GMDS: variants seen among roughly 807,000 people sequenced by gnomAD.
GMDS encodes the protein GDP-mannose 4,6 dehydratase.
Under a neutral mutation model 49.9 loss-of-function variants are expected in GMDS, and 20 were observed. The ratio of observed to expected loss-of-function variants is 0.40; its 90% CI spans 0.28 to 0.58. GMDS has a LOEUF of 0.58. GMDS is among the 20% of genes least tolerant of loss of function. The pLI, the probability that GMDS is intolerant of heterozygous loss-of-function variation, is 0.42. For missense variants in GMDS, 362 were observed against 481.4 expected, an observed-to-expected ratio of 0.75 and a Z score of 2.32; for synonymous variants, 177 against 178.6, an observed-to-expected ratio of 0.99 and a Z score of 0.07.
At chr6:1,681,758 G>A (rs1318533334) in intron 9 of GMDS, among the ~76,000 whole-genome samples, 1 of 152,212 alleles carries the variant, frequency 6.6e-6, no homozygotes, top group Non-Finnish European at 1.5e-5. Context: ...GCAGTGGCAC[G>A]ATCACAGCTC....
intron 1 of GMDS, among the ~76,000 whole-genome samples, chr6:2,167,014 C>G (rs888646233): frequency 6.6e-6 from 1 of 152,194 alleles, no homozygotes; most frequent in African/African-American, 2.4e-5. Context: ...GTCAGAACTG[C>G]CCAGCAAACC....
At chr6:1,672,670 T>C (rs2113283807) in intron 9 of GMDS, among the ~76,000 whole-genome samples, 1 of 152,314 alleles carries the variant, frequency 6.6e-6, no homozygotes, top group South Asian at 2.1e-4. Context: ...ACCTGTTTCA[T>C]CACCACCAGA....
intron 4 of GMDS, among the ~76,000 whole-genome samples, chr6:1,974,149 TAA>T (rs554716070): frequency 0.044 from 6,317 of 143,102 alleles, 416 homozygotes; most frequent in African/African-American, 0.15. Context: ...GAAGGAATAT[TAA>T]AAAAAAAAAA....
intron 7 of GMDS, among the ~76,000 whole-genome samples, chr6:1,892,593 A>T (rs1759923664): frequency 6.6e-6 from 1 of 152,182 alleles, no homozygotes; most frequent in Non-Finnish European, 1.5e-5. Context: ...TCCTGACCTC[A>T]GGTGATCTAC....
chr6:2,061,312 T>C (rs147524241), intron 4 of GMDS, among the ~76,000 whole-genome samples: 1,909 of 152,168 alleles, frequency 0.013, 43 homozygotes, highest in African/African-American at 0.044. Flanking sequence ...TGAGATGAGA[T>C]GAAATCAAGT....
chr6:2,240,222 A>G (rs1383237924), intron 1 of GMDS, among the ~76,000 whole-genome samples: 1 of 152,202 alleles, frequency 6.6e-6, no homozygotes, highest in Non-Finnish European at 1.5e-5. Flanking sequence ...CTTCTAGATA[A>G]TAGATTCCCC....
intron 6 of GMDS, among the ~76,000 whole-genome samples, chr6:1,931,190 A>G (rs1762267917): frequency 6.6e-6 from 1 of 152,260 alleles, no homozygotes; most frequent in African/African-American, 2.4e-5. Context: ...ATATGTGAAT[A>G]TCATGATTTA....
intron 4 of GMDS, among the ~76,000 whole-genome samples, chr6:1,982,308 C>T (rs1038622308): frequency 8.5e-5 from 13 of 152,140 alleles, no homozygotes; most frequent in African/African-American, 3.1e-4. Flanking sequence ...GAAGCATTCC[C>T]CTTGAAAACC....
chr6:1,680,286 G>C (rs1014757440), intron 9 of GMDS, among the ~76,000 whole-genome samples: 1 of 152,116 alleles, frequency 6.6e-6, no homozygotes, highest in Non-Finnish European at 1.5e-5. Context: ...CTGCTTCCTC[G>C]TGGCACCTTC....
At chr6:2,099,597 C>T (rs979999147) in intron 4 of GMDS, among the ~76,000 whole-genome samples, 1 of 151,998 alleles carries the variant, frequency 6.6e-6, no homozygotes. Flanking sequence ...AGAAAATATT[C>T]ACATACTAAT....
At chr6:1,874,093 G>A (rs1207177255) in intron 7 of GMDS, among the ~76,000 whole-genome samples, 1 of 152,216 alleles carries the variant, frequency 6.6e-6, no homozygotes, top group South Asian at 2.1e-4. Context: ...TTGGAGGCGT[G>A]CCACCCCACG....
chr6:2,215,707 A>C (rs1191730831), intron 1 of GMDS, among the ~76,000 whole-genome samples: 4 of 152,088 alleles, frequency 2.6e-5, no homozygotes, highest in Non-Finnish European at 5.9e-5. Context: ...GAAAGGAGGT[A>C]ATTAAAGACA....
At chr6:1,704,307 T>TA (rs141477473) in intron 9 of GMDS, among the ~76,000 whole-genome samples, 3,744 of 149,944 alleles carry the variant, frequency 0.025, 58 homozygotes, top group Non-Finnish European at 0.037. Context: ...GGTGTGGGGG[T>TA]AAGGCAGCCC....
chr6:1,636,389 G>C (rs1763148778), intron 9 of GMDS, among the ~76,000 whole-genome samples: 1 of 152,226 alleles, frequency 6.6e-6, no homozygotes, highest in African/African-American at 2.4e-5. Context: ...TAAAGATTGA[G>C]CCAGGGCTGA....
At chr6:1,727,350 C>T (rs1410198257) in intron 8 of GMDS, among the ~76,000 whole-genome samples, 1 of 152,178 alleles carries the variant, frequency 6.6e-6, no homozygotes, top group Non-Finnish European at 1.5e-5. Flanking sequence ...TTTTATAAAT[C>T]AAGCCACTCA....
chr6:1,666,854 C>T (rs2814809), intron 9 of GMDS, among the ~76,000 whole-genome samples: 28,827 of 152,200 alleles, frequency 0.19, 3,184 homozygotes, highest in East Asian at 0.52. Flanking sequence ...ACAGCCTGAA[C>T]TCAGCTTGGC....
At chr6:2,199,569 T>C (rs182801268) in intron 1 of GMDS, among the ~76,000 whole-genome samples, 3 of 152,280 alleles carry the variant, frequency 2.0e-5, no homozygotes, top group Admixed American at 6.5e-5. Context: ...GAATACAGCC[T>C]ACTCAGGACC....
At chr6:2,169,757 C>A (rs978604624) in intron 1 of GMDS, among the ~76,000 whole-genome samples, 1 of 152,092 alleles carries the variant, frequency 6.6e-6, no homozygotes, top group Admixed American at 6.5e-5. Context: ...TTAACTTACA[C>A]AACTCCTACA....
At chr6:1,960,602 G>A (rs183856951) in intron 5 of GMDS, among the ~76,000 whole-genome samples, 172 bp downstream of exon 5, 23 of 152,238 alleles carry the variant, frequency 1.5e-4, no homozygotes, top group Admixed American at 1.3e-3. Context: ...AGTTAGCAAC[G>A]TATAAAGGTA....
Sources: allele counts gnomAD v4.1 joint callset (sites outside exome capture counted in the v4.1 genomes callset), GRCh38; gene constraint gnomAD v4.1.1; transcripts MANE v1.5; gene names NCBI Gene and HGNC (gene_info 2026-07-23, HGNC 2026-07-21).